NRG4: variants seen among roughly 807,000 people sequenced by gnomAD.
NRG4 encodes the protein pro-neuregulin-4, membrane-bound isoform.
A neutral mutation model predicts 15.0 loss-of-function variants in NRG4; 10 were observed. The observed-to-expected ratio is 0.67, with a 90% CI of 0.41 to 1.13. NRG4 has a LOEUF of 1.13. Ranked by LOEUF, NRG4 falls within the 50% of genes most tolerant of loss-of-function variation. NRG4 has a pLI of 0.00. For missense variants in NRG4, 139 were observed against 140.2 expected, an observed-to-expected ratio of 0.99 and a Z score of 0.04; for synonymous variants, 41 against 50.1, an observed-to-expected ratio of 0.82 and a Z score of 0.77.
intron 3 of NRG4, among the ~76,000 whole-genome samples, chr15:75,983,361 A>G (rs1439879772): frequency 6.6e-6 from 1 of 152,194 alleles, no homozygotes; most frequent in African/African-American, 2.4e-5. Context: ...TTAGCATGAT[A>G]AAATATATCC....
chr15:76,011,310 A>G, intron 1 of NRG4, 24 bp from the exon 2 acceptor site: 1 of 1,189,816 alleles, frequency 8.4e-7, no homozygotes, highest in Non-Finnish European at 1.1e-6. Flanking sequence ...AAAAGTAATA[A>G]TTCAGGGAAA....
chr15:76,047,167 G>C (rs1429129227), intron 4 of NRG4, among the ~76,000 whole-genome samples: 2 of 150,944 alleles, frequency 1.3e-5, no homozygotes, highest in South Asian at 2.1e-4. Flanking sequence ...CTCATATACT[G>C]TTGGTGGGAA....
chr15:75,944,997 T>G (rs1394621463), intron 5 of NRG4, among the ~76,000 whole-genome samples: 1 of 152,094 alleles, frequency 6.6e-6, no homozygotes, highest in Non-Finnish European at 1.5e-5. Context: ...TCAAGCTGTT[T>G]TATATGTGTG....
intron 3 of NRG4, among the ~76,000 whole-genome samples, chr15:75,991,195 C>A (rs991628323): frequency 6.6e-6 from 1 of 152,040 alleles, no homozygotes; most frequent in Admixed American, 6.6e-5. Context: ...TTAGGCTTTG[C>A]GGGCCATACA....
At chr15:75,938,533 TAAAG>T (rs551270195), downstream of NRG4, 6 of 152,042 alleles carry the variant, frequency 3.9e-5, no homozygotes, top group East Asian at 3.9e-4. Context: ...AACAAAGAAT[TAAAG>T]AAATCAGGAA....
Position 76,021,564 on chromosome 15 carries a change from T to C in NRG4, c.-56-10278A>G, listed in dbSNP as rs79228206. 4.4e-3 allele frequency among the ~76,000 whole-genome samples: 666 copies of C among 152,300 alleles called. 6 individuals are homozygous for C. The highest frequency in any genetic ancestry group is 0.015 in the African/African-American group (621 of 41,566). On this transcript the variant is annotated intron_variant, in intron 5 of 8. Transcript: ENST00000563910. The stretch of plus-strand genomic sequence containing the variant: ...ACACACACTAAACCATTTTAGTGTA[T>C]GGTGTTTGAATTTCAAAATGTTTTC...
intron 3 of NRG4, among the ~76,000 whole-genome samples, chr15:75,983,243 T>C (rs2033669040): frequency 1.3e-5 from 2 of 152,064 alleles, no homozygotes; most frequent in African/African-American, 4.8e-5. Context: ...GCATAAAAAG[T>C]CTTAGCAGAG....
chr15:76,015,415 G>C (rs2034945457), upstream of NRG4, among the ~76,000 whole-genome samples: 1 of 152,200 alleles, frequency 6.6e-6, no homozygotes, highest in Non-Finnish European at 1.5e-5. Flanking sequence ...TCCTTGTGTT[G>C]TGCTGGTTTT....
At chr15:75,982,933 C>G (rs2033660825) in intron 3 of NRG4, among the ~76,000 whole-genome samples, 1 of 152,112 alleles carries the variant, frequency 6.6e-6, no homozygotes, top group South Asian at 2.1e-4. Flanking sequence ...ACAGACTGGA[C>G]CTTCTACATA....
At chr15:75,952,984 G>A (rs924192409) in intron 5 of NRG4, among the ~76,000 whole-genome samples, 1 of 152,046 alleles carries the variant, frequency 6.6e-6, no homozygotes, top group East Asian at 1.9e-4. Flanking sequence ...TTTCTTGAGG[G>A]TATCCTTGGA....
In NRG4 at chr15:76,048,279, G is replaced by A. The variant is rs547140297; in HGVS notation, c.-105+3788C>T. Among the ~76,000 whole-genome samples the A allele has an allele frequency of 1.6e-4, 24 of 150,280 alleles. 2 individuals are homozygous for A. In the South Asian group the frequency reaches 4.0e-3, roughly 25 times the overall value. ...TTGAGGCCAGGAGTTTGAGACTAGCGTGGCCAATGTGGTAAAACCCCATCT... is the reference window on the plus strand; with the variant it reads ...TTGAGGCCAGGAGTTTGAGACTAGCATGGCCAATGTGGTAAAACCCCATCT... On this transcript the variant is annotated intron_variant, in intron 4 of 8. Coordinates refer to the NRG4 transcript ENST00000563910.
chr15:76,012,551 A>T (rs2034848895), upstream of NRG4: 1 of 152,180 alleles, frequency 6.6e-6, no homozygotes. Context: ...ATGGAGCAGA[A>T]TTTTATTTAG....
At chr15:75,986,667 T>C (rs987145120) in intron 3 of NRG4, among the ~76,000 whole-genome samples, 1 of 152,226 alleles carries the variant, frequency 6.6e-6, no homozygotes, top group African/African-American at 2.4e-5. Flanking sequence ...TATTATGACT[T>C]GATTTTTGGA....
At chr15:76,021,156 T>G (rs2035139810) in intron 5 of NRG4, among the ~76,000 whole-genome samples, 2 of 152,184 alleles carry the variant, frequency 1.3e-5, no homozygotes, top group African/African-American at 2.4e-5. Flanking sequence ...CCTTAAGAAT[T>G]ATGCTAAATC....
At chr15:76,002,205 G>T (rs2034440675) in intron 3 of NRG4, among the ~76,000 whole-genome samples, 1 of 152,172 alleles carries the variant, frequency 6.6e-6, no homozygotes, top group Non-Finnish European at 1.5e-5. Flanking sequence ...AGTGACTAAG[G>T]ATTTAAACTG....
intron 5 of NRG4, among the ~76,000 whole-genome samples, chr15:76,033,165 G>A (rs1019091366): frequency 6.6e-6 from 1 of 152,196 alleles, no homozygotes; most frequent in African/African-American, 2.4e-5. Context: ...TCTGTCAATA[G>A]TAACACCTCA....
exon 2 of NRG4, chr15:76,057,009 A>C (rs2036167199): frequency 6.6e-6 from 1 of 152,220 alleles, no homozygotes; most frequent in Non-Finnish European, 1.5e-5. Context: ...GTTAGAAACG[A>C]ACAGTTATGT....
At chr15:76,025,150 TAGAC>T (rs1437341676) in intron 5 of NRG4, among the ~76,000 whole-genome samples, 1 of 152,118 alleles carries the variant, frequency 6.6e-6, no homozygotes, top group Non-Finnish European at 1.5e-5. Flanking sequence ...AGAATATAGA[TAGAC>T]AGGGGCTGGG....
At chr15:76,001,993 T>C (rs1019824472) in intron 3 of NRG4, among the ~76,000 whole-genome samples, 4 of 152,062 alleles carry the variant, frequency 2.6e-5, no homozygotes, top group African/African-American at 9.7e-5. Flanking sequence ...AACAAAGACT[T>C]AGCCACTCAA....
Sources: allele counts gnomAD v4.1 joint callset (sites outside exome capture counted in the v4.1 genomes callset), GRCh38; gene constraint gnomAD v4.1.1; transcripts MANE v1.5; gene names NCBI Gene and HGNC (gene_info 2026-07-23, HGNC 2026-07-21).